Variants in CPEB3 observed in about 807,000 individuals in gnomAD.
CPEB3 encodes cytoplasmic polyadenylation element binding protein 3, also known as cytoplasmic polyadenylation element-binding protein 3.
In CPEB3, 20 loss-of-function variants were observed where a neutral mutation model predicts 67.2. That is an observed-to-expected ratio of 0.30 (90% confidence interval 0.21 to 0.43). The LOEUF is 0.43. Ranked by LOEUF, CPEB3 falls within the 20% of genes least tolerant of loss-of-function variation. CPEB3 has a pLI of 1.00. For synonymous variants in CPEB3, 376 were observed against 393.1 expected, an observed-to-expected ratio of 0.96 and a Z score of 0.51; for missense variants, 746 against 968.6, an observed-to-expected ratio of 0.77 and a Z score of 3.05.
At chr10:92,268,046 G>C (rs1282829365) in intron 1 of CPEB3, among the ~76,000 whole-genome samples, 1 of 152,036 alleles carries the variant, frequency 6.6e-6, no homozygotes, top group Non-Finnish European at 1.5e-5. Context: ...TCGATCTCTT[G>C]ACCTCGTGAT....
intron 2 of CPEB3, among the ~76,000 whole-genome samples, chr10:92,208,896 G>C (rs1418238019): frequency 6.6e-6 from 1 of 152,028 alleles, no homozygotes; most frequent in Non-Finnish European, 1.5e-5. Context: ...GCCAGCCTGA[G>C]AGCTTTTTTT....
intron 1 of CPEB3, among the ~76,000 whole-genome samples, chr10:92,285,131 A>C (rs1842467326): frequency 6.6e-6 from 1 of 152,210 alleles, no homozygotes; most frequent in Non-Finnish European, 1.5e-5. Flanking sequence ...TTTTATAACA[A>C]ACCTGCTCTC....
chr10:92,134,901 C>CA (rs1263273637), intron 6 of CPEB3, among the ~76,000 whole-genome samples: 1 of 150,428 alleles, frequency 6.6e-6, no homozygotes, highest in Non-Finnish European at 1.5e-5. Flanking sequence ...CTGACAAAAA[C>CA]AAAAAATGGG....
At chr10:92,110,629 C>T (rs113605458) in intron 7 of CPEB3, among the ~76,000 whole-genome samples, 4 of 152,278 alleles carry the variant, frequency 2.6e-5, no homozygotes, top group African/African-American at 9.6e-5. Flanking sequence ...AGCTCCTGAC[C>T]CAGAAGGCTC....
intron 2 of CPEB3, among the ~76,000 whole-genome samples, chr10:92,238,495 T>C (rs548998922): frequency 6.6e-6 from 1 of 152,320 alleles, no homozygotes; most frequent in South Asian, 2.1e-4. Context: ...TTTCAAATGA[T>C]GTAATTGATC....
chr10:92,058,608 TAA>T (rs1564745194), intron 9 of CPEB3, among the ~76,000 whole-genome samples: 1 of 149,428 alleles, frequency 6.7e-6, no homozygotes, highest in African/African-American at 2.5e-5. Flanking sequence ...TATATATATA[TAA>T]ATTAATTATA....
intron 1 of CPEB3, among the ~76,000 whole-genome samples, chr10:92,263,915 C>T (rs1323430514): frequency 6.6e-6 from 1 of 152,140 alleles, no homozygotes; most frequent in Non-Finnish European, 1.5e-5. Flanking sequence ...ATTCCCTGAT[C>T]ATTTAGTCTA....
chr10:92,075,139 G>A (rs1158812500), intron 9 of CPEB3, among the ~76,000 whole-genome samples: 1 of 152,150 alleles, frequency 6.6e-6, no homozygotes, highest in African/African-American at 2.4e-5. Flanking sequence ...ACAGCAAAAC[G>A]TTGCTGATGT....
At chr10:92,200,104 T>C (rs1000209180) in intron 2 of CPEB3, among the ~76,000 whole-genome samples, 1 of 152,224 alleles carries the variant, frequency 6.6e-6, no homozygotes, top group African/African-American at 2.4e-5. Context: ...CCTAAAGTCC[T>C]AATGAAGTTG....
intron 2 of CPEB3, among the ~76,000 whole-genome samples, chr10:92,205,329 A>G (rs1425836854): frequency 6.6e-6 from 1 of 152,170 alleles, no homozygotes; most frequent in East Asian, 1.9e-4. Flanking sequence ...GCTACCATAT[A>G]ATAGATAATT....
At chr10:92,196,970 G>T (rs1018430190) in intron 2 of CPEB3, among the ~76,000 whole-genome samples, 2 of 151,760 alleles carry the variant, frequency 1.3e-5, no homozygotes, top group Non-Finnish European at 2.9e-5. Flanking sequence ...CTCTCTTCAT[G>T]GTTTCTTCAG....
At chr10:92,143,744 G>C (rs753798615) in intron 5 of CPEB3, among the ~76,000 whole-genome samples, 1 of 152,118 alleles carries the variant, frequency 6.6e-6, no homozygotes, top group Non-Finnish European at 1.5e-5. Flanking sequence ...TCCTACTCAG[G>C]TTTAGGGTAC....
chr10:92,250,148 C>T (rs932450846), intron 1 of CPEB3, among the ~76,000 whole-genome samples: 11 of 151,580 alleles, frequency 7.3e-5, no homozygotes, highest in African/African-American at 1.9e-4. Context: ...AGTGCAGTGG[C>T]GCGATCTGAG....
intron 1 of CPEB3, among the ~76,000 whole-genome samples, chr10:92,277,298 T>C (rs1842037979): frequency 6.6e-6 from 1 of 152,226 alleles, no homozygotes; most frequent in South Asian, 2.1e-4. Context: ...ATTTCATCCA[T>C]TTTGAATTAA....
intron 4 of CPEB3, among the ~76,000 whole-genome samples, chr10:92,155,183 T>C (rs542697284): frequency 4.6e-5 from 7 of 152,346 alleles, no homozygotes; most frequent in Middle Eastern, 3.4e-3. Flanking sequence ...TACTCCAGCC[T>C]GGGCGACAAA....
chr10:92,115,030 C>A (rs2133534749), intron 6 of CPEB3, among the ~76,000 whole-genome samples: 1 of 152,354 alleles, frequency 6.6e-6, no homozygotes, highest in East Asian at 1.9e-4. Flanking sequence ...GGCAGCTCCT[C>A]CTCTTCTCCG....
intron 2 of CPEB3, among the ~76,000 whole-genome samples, chr10:92,226,357 GT>G (rs1850974903): frequency 6.6e-6 from 1 of 152,132 alleles, no homozygotes; most frequent in Admixed American, 6.5e-5. Context: ...TTTAATACAT[GT>G]TTGTCAAGGA....
chr10:92,230,325 C>T (rs181209750), intron 2 of CPEB3, among the ~76,000 whole-genome samples: 1 of 152,298 alleles, frequency 6.6e-6, no homozygotes, highest in East Asian at 1.9e-4. Context: ...TTTGGCCACA[C>T]AATAGTCCTA....
intron 9 of CPEB3, among the ~76,000 whole-genome samples, chr10:92,066,303 G>A (rs1481460916): frequency 2.0e-5 from 3 of 152,128 alleles, no homozygotes; most frequent in Non-Finnish European, 4.4e-5. Flanking sequence ...GGTATGGTGA[G>A]GTGTGCCTGT....
Sources: allele counts gnomAD v4.1 joint callset (sites outside exome capture counted in the v4.1 genomes callset), GRCh38; gene constraint gnomAD v4.1.1; transcripts MANE v1.5; gene names NCBI Gene and HGNC (gene_info 2026-07-23, HGNC 2026-07-21).